The following PTPRT variants were observed in gnomAD, a reference collection of about 807,000 sequenced individuals.
PTPRT encodes receptor-type tyrosine-protein phosphatase T.
Under a neutral mutation model 176.8 loss-of-function variants are expected in PTPRT, and 56 were observed. The ratio of observed to expected loss-of-function variants is 0.32; its 90% CI spans 0.26 to 0.40. The LOEUF is 0.40. Ranked by LOEUF, PTPRT falls within the 10% of genes least tolerant of loss-of-function variation. The pLI is 1.00. For synonymous variants in PTPRT, 783 were observed against 739.0 expected (o/e 1.06, Z -0.96); for missense variants, 1,540 against 1,908.2 (o/e 0.81, Z 3.60).
intron 12 of PTPRT, among the ~76,000 whole-genome samples, chr20:42,313,851 T>C (rs144890852): frequency 2.2e-4 from 33 of 152,360 alleles, no homozygotes; most frequent in African/African-American, 7.9e-4. Flanking sequence ...TTATGCTCTC[T>C]GTGAGGAGTG....
intron 1 of PTPRT, among the ~76,000 whole-genome samples, chr20:42,929,656 G>A (rs913012317): frequency 6.6e-6 from 1 of 152,214 alleles, no homozygotes; most frequent in African/African-American, 2.4e-5. Flanking sequence ...AGGGCTTGGA[G>A]CCCATTTTGA....
At chr20:43,032,201 G>T (rs929395861) in intron 1 of PTPRT, among the ~76,000 whole-genome samples, 1 of 152,068 alleles carries the variant, frequency 6.6e-6, no homozygotes, top group African/African-American at 2.4e-5. Flanking sequence ...CTTTCTTCCT[G>T]GACCTGCATC....
At chr20:42,687,133 G>C (rs78900616) in intron 6 of PTPRT, 2 of 151,812 alleles carry the variant, frequency 1.3e-5, no homozygotes, top group Non-Finnish European at 2.9e-5. Context: ...ACCAGCCACC[G>C]ATGAGCCATT....
intron 6 of PTPRT, chr20:42,688,361 A>C (rs1008858337): frequency 2.0e-5 from 3 of 152,388 alleles, no homozygotes; most frequent in East Asian, 1.9e-4. Flanking sequence ...CCCTCCTCAG[A>C]GGTCTCAGAA....
intron 12 of PTPRT, among the ~76,000 whole-genome samples, chr20:42,299,868 C>T (rs896419069): frequency 6.6e-6 from 1 of 151,318 alleles, no homozygotes; most frequent in Admixed American, 6.6e-5. Flanking sequence ...AAAATGGTCT[C>T]GATCTCTTGA....
At chr20:42,204,204 T>C (rs2055393537) in intron 15 of PTPRT, among the ~76,000 whole-genome samples, 1 of 152,196 alleles carries the variant, frequency 6.6e-6, no homozygotes. Context: ...CATTTCCTTC[T>C]TGGAATGTTT....
intron 2 of PTPRT, among the ~76,000 whole-genome samples, chr20:42,834,843 G>A (rs2078154132): frequency 6.6e-6 from 1 of 151,956 alleles, no homozygotes; most frequent in African/African-American, 2.4e-5. Context: ...GTTACTCCAT[G>A]TCAATTAAAA....
intron 2 of PTPRT, among the ~76,000 whole-genome samples, chr20:42,883,027 T>C (rs1239522222): frequency 6.6e-6 from 1 of 152,064 alleles, no homozygotes; most frequent in Admixed American, 6.6e-5. Flanking sequence ...ATGATGATGA[T>C]TTGGAGGTTT....
At chr20:43,098,519 T>C (rs530050419) in intron 1 of PTPRT, among the ~76,000 whole-genome samples, 1 of 151,906 alleles carries the variant, frequency 6.6e-6, no homozygotes, top group East Asian at 1.9e-4. Flanking sequence ...GCCAGCCCTC[T>C]CTTCAAAAGG....
At chr20:42,640,616 T>C (rs1181230352) in intron 7 of PTPRT, among the ~76,000 whole-genome samples, 1 of 152,054 alleles carries the variant, frequency 6.6e-6, no homozygotes, top group Non-Finnish European at 1.5e-5. Context: ...CTCGAACTCC[T>C]GACCACCGCC....
At chr20:42,253,370 G>T (rs2056580976) in intron 13 of PTPRT, among the ~76,000 whole-genome samples, 1 of 152,172 alleles carries the variant, frequency 6.6e-6, no homozygotes, top group Non-Finnish European at 1.5e-5. Context: ...GGACTTTTCA[G>T]AGGGCTATCC....
At chr20:42,352,751 G>C (rs532456609) in intron 9 of PTPRT, among the ~76,000 whole-genome samples, 1 of 152,258 alleles carries the variant, frequency 6.6e-6, no homozygotes, top group South Asian at 2.1e-4. Flanking sequence ...GAAGATAATT[G>C]CTTGAGGGGA....
chr20:43,172,630 G>C (rs549612034), intron 1 of PTPRT, among the ~76,000 whole-genome samples: 1 of 152,152 alleles, frequency 6.6e-6, no homozygotes, highest in African/African-American at 2.4e-5. Flanking sequence ...TATAACCAAG[G>C]ATGGCTAGTA....
At chr20:42,240,461 A>G (rs2056329901) in intron 14 of PTPRT, among the ~76,000 whole-genome samples, 1 of 152,236 alleles carries the variant, frequency 6.6e-6, no homozygotes, top group Non-Finnish European at 1.5e-5. Flanking sequence ...AACAAAACAA[A>G]ACAAAACAAT....
intron 11 of PTPRT, among the ~76,000 whole-genome samples, chr20:42,339,434 A>G (rs2058082647): frequency 1.3e-5 from 2 of 152,232 alleles, no homozygotes; most frequent in Non-Finnish European, 2.9e-5. Flanking sequence ...ACACTGAGAG[A>G]GACATGAGAG....
intron 1 of PTPRT, among the ~76,000 whole-genome samples, chr20:42,992,835 A>G (rs1348757020): frequency 6.6e-6 from 1 of 151,804 alleles, no homozygotes; most frequent in Non-Finnish European, 1.5e-5. Context: ...CACCTCTCTC[A>G]CTCTCTTCAT....
intron 6 of PTPRT, chr20:42,687,404 T>G (rs974021423): frequency 1.3e-5 from 2 of 152,140 alleles, no homozygotes; most frequent in East Asian, 3.9e-4. Flanking sequence ...CCAGATGAAG[T>G]TTTATGATCT....
chr20:42,956,964 G>A (rs1441809526), intron 1 of PTPRT, among the ~76,000 whole-genome samples: 1 of 152,146 alleles, frequency 6.6e-6, no homozygotes, highest in Admixed American at 6.5e-5. Context: ...AAGTCACCTG[G>A]ATCTAAACCA....
intron 1 of PTPRT, among the ~76,000 whole-genome samples, chr20:43,132,031 C>A (rs1236134488): frequency 2.0e-5 from 3 of 151,998 alleles, no homozygotes; most frequent in African/African-American, 7.2e-5. Context: ...CACACACAGT[C>A]ACAACCATGC....
Sources: allele counts gnomAD v4.1 joint callset (sites outside exome capture counted in the v4.1 genomes callset), GRCh38; gene constraint gnomAD v4.1.1; transcripts MANE v1.5; gene names NCBI Gene and HGNC (gene_info 2026-07-23, HGNC 2026-07-21).